Variants in GAN observed in about 807,000 individuals in gnomAD.
GAN encodes the protein gigaxonin, also known as epididymis secretory sperm binding protein.
A neutral mutation model predicts 71.3 loss-of-function variants in GAN; 48 were observed. The ratio of observed to expected loss-of-function variants is 0.67; its 90% CI spans 0.53 to 0.86. The LOEUF (loss-of-function observed/expected upper bound fraction) is 0.86, where lower values mean the gene tolerates loss of function less well. GAN is among the 40% of genes least tolerant of loss of function. The probability of loss-of-function intolerance (pLI) is 0.00; values close to 1 mark genes in which losing one functional copy is unlikely to be tolerated. For synonymous variants in GAN, 386 were observed against 276.8 expected, an observed-to-expected ratio of 1.39 and a Z score of -3.92; for missense variants, 928 against 770.1, an observed-to-expected ratio of 1.21 and a Z score of -2.43.
chr16:81,319,690 TG>T (rs1909162915), intron 1 of GAN, among the ~76,000 whole-genome samples: 1 of 152,120 alleles, frequency 6.6e-6, no homozygotes, highest in Non-Finnish European at 1.5e-5. Context: ...CAGCTAAGAA[TG>T]TAAGTGGCTT....
chr16:81,330,663 T>G lies in GAN; in HGVS notation c.167+15383T>G, dbSNP rs192790204. ...ACCACAGTTATTGTTGCAGACAGTA[T>G]CTACTGATGGCTACAAAAAGGGTGA... is the stretch of plus-strand genomic sequence containing the variant. On this transcript the variant is annotated intron_variant, in intron 1 of 10. Transcript: ENST00000648994. Among the ~76,000 whole-genome samples the G allele has an allele frequency of 3.4e-3, 525 of 152,340 alleles. 3 individuals carry two copies. The highest frequency in any genetic ancestry group is 0.012 in the African/African-American group (494 of 41,574).
chr16:81,325,964 T>G (rs1909372087), intron 1 of GAN, among the ~76,000 whole-genome samples: 1 of 152,254 alleles, frequency 6.6e-6, no homozygotes, highest in South Asian at 2.1e-4. Context: ...CTACTCTTGC[T>G]TGCAGATAAT....
rs1184879083 is a variant in GAN at position 81,379,204 on chromosome 16, C to CT, written c.*1610dup. On this transcript the variant is annotated 3_prime_UTR_variant, in exon 11 of 11. Transcript: ENST00000648994. ...ATTAACATGCATATGAAAAACATCA[C>CT]TTACGTTCTCCCACCCATAGACATA... 1 of 152,150 alleles carries CT rather than the reference C, an allele frequency of 6.6e-6. No individual in the cohort carries two copies. Among genetic ancestry groups the CT allele is most frequent in the Non-Finnish European group, 1.5e-5 (1 of 68,018 alleles). 9.4% of individuals were successfully genotyped at this position (152,150 alleles called of 1,614,324 possible). A position where few individuals can be genotyped will look rare whatever the true frequency, so the allele number is the denominator to read the frequency against.
At chr16:81,334,802 A>T (rs1004220543) in intron 1 of GAN, among the ~76,000 whole-genome samples, 4 of 152,186 alleles carry the variant, frequency 2.6e-5, no homozygotes. Context: ...TGACTTCAGA[A>T]CCACATGAGA....
At chr16:81,358,047 A>G in intron 5 of GAN, 116 bp downstream of exon 5, 1 of 913,532 alleles carries the variant, frequency 1.1e-6, no homozygotes, top group Non-Finnish European at 1.8e-6. Context: ...TCTACATGAC[A>G]TTTTTAGTGT....
At chr16:81,353,786 A>C (rs1362716020) in intron 2 of GAN, among the ~76,000 whole-genome samples, 1 of 152,110 alleles carries the variant, frequency 6.6e-6, no homozygotes, top group Non-Finnish European at 1.5e-5. Context: ...AGATGTTCAT[A>C]ATGAGAAAAA....
rs1904404854 is a variant in GAN, at chr16:81,386,494, G to A, written c.*8898G>A. On this transcript the variant is annotated 3_prime_UTR_variant, in exon 11 of 11. Coordinates refer to ENST00000648994, the MANE Select transcript of GAN (RefSeq NM_022041.4). ...CATAAAGAAGGTTATTTAACAAAGT[G>A]GTACAAACAGTGAACTACTTAATCC... is the stretch of plus-strand genomic sequence containing the variant. 6.6e-6 allele frequency: 1 copy of A among 152,206 alleles called. No individual in the cohort carries two copies. The highest frequency in any genetic ancestry group is 6.5e-5 in the Admixed American group (1 of 15,286). The allele number at this position is 152,206 out of a possible 1,614,324, so 9.4% of individuals were successfully genotyped here. A position where few individuals can be genotyped will look rare whatever the true frequency, so the allele number is the denominator to read the frequency against.
chr16:81,323,207 C>CG (rs1391885775), intron 1 of GAN, among the ~76,000 whole-genome samples: 5 of 152,140 alleles, frequency 3.3e-5, no homozygotes, highest in Admixed American at 2.6e-4. Context: ...AGACTTCTCT[C>CG]GGGGTTTTTG....
intron 1 of GAN, among the ~76,000 whole-genome samples, chr16:81,316,922 G>A (rs1909062668): frequency 6.6e-6 from 1 of 152,148 alleles, no homozygotes; most frequent in Non-Finnish European, 1.5e-5. Flanking sequence ...GCAGTGGCGT[G>A]ATCTCGGCCC....
Position 81,335,118 on chromosome 16 carries a change from T to C in GAN, c.168-16465T>C, listed in dbSNP as rs1909711575. 2.7e-5 allele frequency among the ~76,000 whole-genome samples: 3 copies of C among 112,278 alleles called. No individual in the cohort carries two copies. The Admixed American group carries it at 3.7e-4, about 14-fold the overall frequency. 73.7% of individuals were successfully genotyped at this position (112,278 alleles called of 152,430 possible). ...GGTGTTATTGGAGCAGAGAACTGGA[T>C]CTAGGGAAGGATTAAACTGTGTGAC... On this transcript the variant is annotated intron_variant, in intron 1 of 10. Transcript: ENST00000648994.
chr16:81,349,965 C>T (rs1910243995), intron 1 of GAN, among the ~76,000 whole-genome samples: 1 of 151,854 alleles, frequency 6.6e-6, no homozygotes, highest in Non-Finnish European at 1.5e-5. Context: ...TTTTTTTAAA[C>T]CTTAAATTTT....
At chr16:81,376,949 A>G (rs1373492843) in intron 9 of GAN, among the ~76,000 whole-genome samples, 2 of 152,218 alleles carry the variant, frequency 1.3e-5, no homozygotes, top group African/African-American at 2.4e-5. Context: ...AACAGTGTGG[A>G]TGAATCTCAG....
At chr16:81,320,240 A>G (rs564269896) in intron 1 of GAN, among the ~76,000 whole-genome samples, 3 of 152,368 alleles carry the variant, frequency 2.0e-5, no homozygotes, top group East Asian at 3.9e-4. Context: ...TCATAGTAAC[A>G]TAGACATTAT....
At chr16:81,349,155 A>C (rs1475410526) in intron 1 of GAN, among the ~76,000 whole-genome samples, 1 of 152,162 alleles carries the variant, frequency 6.6e-6, no homozygotes, top group East Asian at 1.9e-4. Flanking sequence ...AGACTTTGTT[A>C]ACAGTTCTGT....
At chr16:81,331,059 G>A (rs897831718) in intron 1 of GAN, among the ~76,000 whole-genome samples, 11 of 152,146 alleles carry the variant, frequency 7.2e-5, no homozygotes, top group African/African-American at 2.4e-4. Context: ...TTAAAAATTA[G>A]CCAGGCATGG....
rs200264448 is a variant in GAN, at chr16:81,375,339, C to T, written c.1503-1880C>T. ...GTCCTTTTTTTTTTTTTTAATTTAT[C>T]TTTTTTTTTTTTTTTTTGAGACAGG... On this transcript the variant is annotated intron_variant, in intron 9 of 10. Transcript: ENST00000648994. 3.5e-3 allele frequency among the ~76,000 whole-genome samples: 362 copies of T among 103,874 alleles called. No homozygotes were observed. In the Middle Eastern group the frequency reaches 0.043, roughly 12 times the overall value. The allele number at this position is 103,874 out of a possible 152,430, so 68.1% of individuals were successfully genotyped here.
At position 81,388,653 on chromosome 16, in the gene GAN, C is replaced by G. The variant is rs1011496588; in HGVS notation, c.*11057C>G. 1 of 152,486 alleles carries G rather than the reference C, an allele frequency of 6.6e-6. No individual in the cohort carries two copies. The highest frequency in any genetic ancestry group is 2.1e-4 in the South Asian group (1 of 4,836). 9.4% of individuals were successfully genotyped at this position (152,486 alleles called of 1,614,324 possible). A position where few individuals can be genotyped will look rare whatever the true frequency, so the allele number is the denominator to read the frequency against. ...TCCCGGACGTGCTCGGCCCGGTGGCCTCTTGTGTGACAGGCCCTCTGCCAT... is the reference window on the plus strand; with the variant it reads ...TCCCGGACGTGCTCGGCCCGGTGGCGTCTTGTGTGACAGGCCCTCTGCCAT... On this transcript the variant is annotated 3_prime_UTR_variant, in exon 11 of 11. Coordinates refer to ENST00000648994, the MANE Select transcript of GAN (RefSeq NM_022041.4).
At chr16:81,373,829 G>A (rs771580612) in intron 9 of GAN, among the ~76,000 whole-genome samples, 3 of 152,118 alleles carry the variant, frequency 2.0e-5, no homozygotes, top group Non-Finnish European at 4.4e-5. Context: ...TGCAACCTCC[G>A]CCTCCTGGGT....
At chr16:81,315,660 C>G (rs1279215073) in intron 1 of GAN, among the ~76,000 whole-genome samples, 1 of 152,158 alleles carries the variant, frequency 6.6e-6, no homozygotes, top group Non-Finnish European at 1.5e-5. Flanking sequence ...GCGGGCTGGG[C>G]GAGGCCGCGC....
Sources: gnomAD v4.1 joint callset for allele counts (sites outside exome capture counted in the v4.1 genomes callset) on GRCh38, gnomAD v4.1.1 for gene constraint, MANE v1.5 for transcripts, NCBI Gene and HGNC (gene_info 2026-07-23, HGNC 2026-07-21) for gene names.